Variants in XXYLT1 observed in about 807,000 individuals in gnomAD.
XXYLT1 encodes the protein UDP-xylose:alpha-xyloside alpha-1,3-xylosyltransferase.
A neutral mutation model predicts 28.9 loss-of-function variants in XXYLT1; 20 were observed. The ratio of observed to expected loss-of-function variants is 0.69; its 90% CI spans 0.49 to 1.00. The LOEUF (loss-of-function observed/expected upper bound fraction) is 1.00, where lower values mean the gene tolerates loss of function less well. Among genes scored for constraint, XXYLT1 ranks in the 50% least tolerant of loss-of-function variants. The pLI is 0.00. For synonymous variants in XXYLT1, 257 were observed against 253.8 expected, an observed-to-expected ratio of 1.01 and a Z score of -0.12; for missense variants, 542 against 560.1, an observed-to-expected ratio of 0.97 and a Z score of 0.33.
chr3:195,162,538 C>T (rs79355480), intron 2 of XXYLT1, among the ~76,000 whole-genome samples: 6,818 of 152,288 alleles, frequency 0.045, 244 homozygotes, highest in East Asian at 0.15. Context: ...CTCGCCCCCT[C>T]TCAAAATGAA....
rs903731237 is a variant in XXYLT1 at position 195,077,164 on chromosome 3, G to A, written c.786-7053C>T. 6.6e-6 allele frequency among the ~76,000 whole-genome samples: 1 copy of A among 152,178 alleles called. No homozygotes were observed. Among genetic ancestry groups the A allele is most frequent in the Admixed American group, 6.5e-5 (1 of 15,286 alleles). ...AGACAGAATGACCCACAGTGGGCGG[G>A]GCAGCCTCTGTCCAGGGAAAGGCAG... On this transcript the variant is annotated intron_variant, in intron 3 of 3. Transcript: ENST00000310380. The surrounding 1 kb of genome is among the most constrained non-coding windows in gnomAD (Gnocchi z 4.8).
At position 195,270,938 on chromosome 3, in the gene XXYLT1, G is replaced by A. The variant is rs1410414328; in HGVS notation, c.121C>T (p.Leu41Phe). 2 of 1,489,084 alleles carry A rather than the reference G, an allele frequency of 1.3e-6. No individual in the cohort carries two copies. Among genetic ancestry groups the A allele is most frequent in the Non-Finnish European group, 1.8e-6 (2 of 1,121,858 alleles). 92.2% of individuals were successfully genotyped at this position (1,489,084 alleles called of 1,614,324 possible). A position where few individuals can be genotyped will look rare whatever the true frequency, so the allele number is the denominator to read the frequency against. The change falls in exon 1 of 4, where the codon CTC becomes TTC. Residue 41 changes from leucine to phenylalanine, a missense_variant. Coordinates refer to ENST00000310380, the MANE Select transcript of XXYLT1 (RefSeq NM_152531.5). ...GAGAAGGTCTCCCGGCCTGAGCCGA[G>A]GTAGTAGAAGGCGCAGACGGCCAGC... ...AALAVCAFYY[L>F]GSGRETFSSA...
At chr3:195,157,903 C>G (rs1177236014) in intron 2 of XXYLT1, among the ~76,000 whole-genome samples, 1 of 152,144 alleles carries the variant, frequency 6.6e-6, no homozygotes, top group Non-Finnish European at 1.5e-5. Context: ...CTCAGCTGTT[C>G]CATTGGCTAA....
At chr3:195,074,277 T>C (rs77622446) in intron 3 of XXYLT1, among the ~76,000 whole-genome samples, 3,143 of 152,254 alleles carry the variant, frequency 0.021, 55 homozygotes, top group East Asian at 0.05. Flanking sequence ...AAGGCTCCAT[T>C]TGAGGTCTGA....
intron 2 of XXYLT1, among the ~76,000 whole-genome samples, chr3:195,171,317 A>AG (rs1721393941): frequency 6.6e-6 from 1 of 152,320 alleles, no homozygotes; most frequent in Admixed American, 6.5e-5. Context: ...GTCTGTTACC[A>AG]GCGTCCGCAC....
Position 195,158,304 on chromosome 3 carries a change from C to T in XXYLT1, c.653-1723G>A, listed in dbSNP as rs564956568. Among the ~76,000 whole-genome samples, 82 of 152,282 alleles carry T rather than the reference C, an allele frequency of 5.4e-4. 1 individual carries two copies. The South Asian group carries it at 5.6e-3, about 10-fold the overall frequency. On this transcript the variant is annotated intron_variant, in intron 2 of 3. Coordinates refer to ENST00000310380, the MANE Select transcript of XXYLT1 (RefSeq NM_152531.5). Reference sequence around the variant, plus strand: ...CTGCCTGCCTGTGGTCATGGCCACCCGCGTACCTGTCTCACCACCCTTCTG... The same window carrying T: ...CTGCCTGCCTGTGGTCATGGCCACCTGCGTACCTGTCTCACCACCCTTCTG...
At chr3:195,101,532 A>C (rs965484481) in intron 3 of XXYLT1, among the ~76,000 whole-genome samples, 1 of 152,264 alleles carries the variant, frequency 6.6e-6, no homozygotes, top group African/African-American at 2.4e-5. Context: ...TTCCTTTTGT[A>C]TACTACATAT....
chr3:195,136,512 T>C lies in XXYLT1; in HGVS notation c.785+19937A>G, dbSNP rs1465884900. Among the ~76,000 whole-genome samples, 5 of 152,290 alleles carry C rather than the reference T, an allele frequency of 3.3e-5. No homozygotes were observed. The East Asian group carries it at 9.7e-4, about 29-fold the overall frequency. On this transcript the variant is annotated intron_variant, in intron 3 of 3. Coordinates refer to ENST00000310380, the MANE Select transcript of XXYLT1 (RefSeq NM_152531.5). ...GGACTGAGCCCAGGAACCTGGGTTC[T>C]AGTCCTGACCAAGCGGCCCCGGGTG...
At chr3:195,172,646 G>A (rs1721467765) in intron 2 of XXYLT1, among the ~76,000 whole-genome samples, 1 of 152,220 alleles carries the variant, frequency 6.6e-6, no homozygotes, top group South Asian at 2.1e-4. Context: ...AACTTACAGA[G>A]TAGACAAGAT....
At chr3:195,131,017 G>A (rs1166085585) in intron 3 of XXYLT1, among the ~76,000 whole-genome samples, 1 of 152,212 alleles carries the variant, frequency 6.6e-6, no homozygotes, top group Non-Finnish European at 1.5e-5. Flanking sequence ...AATTCTGCAA[G>A]CAGGACCATT....
intron 2 of XXYLT1, among the ~76,000 whole-genome samples, chr3:195,191,651 C>G (rs987776916): frequency 6.6e-6 from 1 of 152,086 alleles, no homozygotes; most frequent in Non-Finnish European, 1.5e-5. Context: ...AAGACACAGA[C>G]AAGTTTAAAG....
chr3:195,112,310 G>T (rs1717763609), intron 3 of XXYLT1, among the ~76,000 whole-genome samples: 1 of 152,140 alleles, frequency 6.6e-6, no homozygotes, highest in Non-Finnish European at 1.5e-5. Context: ...GCAAGCCCCA[G>T]AAGATCTGTC....
At position 195,257,194 on chromosome 3, in the gene XXYLT1, C is replaced by T. The variant is rs1472934499; in HGVS notation, c.504+13361G>A. Among the ~76,000 whole-genome samples, 1 of 152,206 alleles carries T rather than the reference C, an allele frequency of 6.6e-6. No individual in the cohort carries two copies. Among genetic ancestry groups the T allele is most frequent in the East Asian group, 1.9e-4 (1 of 5,198 alleles). On this transcript the variant is annotated intron_variant, in intron 1 of 3. Coordinates refer to ENST00000310380, the MANE Select transcript of XXYLT1 (RefSeq NM_152531.5). This position sits in a 1 kb window ranked among gnomAD's most constrained non-coding sequence, Gnocchi z 4.3. ...CTGACGGGCATCGGTGCCCAGCCAT[C>T]CCACCCCGGCCTTCCATGGCTGCAC...
At chr3:195,232,974 G>T (rs1422749989) in intron 1 of XXYLT1, among the ~76,000 whole-genome samples, 1 of 152,056 alleles carries the variant, frequency 6.6e-6, no homozygotes, top group Non-Finnish European at 1.5e-5. Context: ...CTGAAAGTGG[G>T]GTGTTGAGGT....
rs987178642 is a variant in XXYLT1, at chr3:195,122,170, A to G, written c.785+34279T>C. 17 of 702,824 alleles carry G rather than the reference A, an allele frequency of 2.4e-5. No homozygotes were observed. In the Admixed American group the frequency reaches 3.0e-4, roughly 12 times the overall value. The allele number at this position is 702,824 out of a possible 1,614,324, so 43.5% of individuals were successfully genotyped here. ...GACAGAGCTCTTCAGGGTCTCTTTC[A>G]TCAGGACACTCATCCCATTCATGAT... On this transcript the variant is annotated intron_variant, in intron 3 of 3. Transcript: ENST00000310380.
In XXYLT1 at chr3:195,257,101, C is replaced by T. The variant is rs569118468; in HGVS notation, c.504+13454G>A. ...GGGACCGGGAAGCTTTCTTTACAAG[C>T]TTGAGGCCTCTGTAAGCGGCCAAGG... On this transcript the variant is annotated intron_variant, in intron 1 of 3. Transcript: ENST00000310380. The surrounding 1 kb of genome is among the most constrained non-coding windows in gnomAD (Gnocchi z 4.3). Among the ~76,000 whole-genome samples, 9 of 152,326 alleles carry T rather than the reference C, an allele frequency of 5.9e-5. 1 individual carries two copies. The South Asian group carries it at 1.9e-3, about 32-fold the overall frequency.
At chr3:195,212,256 C>A (rs966607859) in intron 2 of XXYLT1, among the ~76,000 whole-genome samples, 1 of 152,192 alleles carries the variant, frequency 6.6e-6, no homozygotes, top group Non-Finnish European at 1.5e-5. Context: ...ACAGTGCAGG[C>A]TGAAGCCAGG....
At chr3:195,234,308 GATTTT>G in intron 1 of XXYLT1, among the ~76,000 whole-genome samples, 1 of 126,076 alleles carries the variant, frequency 7.9e-6, no homozygotes, top group African/African-American at 3.1e-5. Context: ...ATGTTTGAAG[GATTTT>G]TTTTTTTTTT....
chr3:195,253,740 C>A (rs950816350), intron 1 of XXYLT1, among the ~76,000 whole-genome samples: 3 of 152,166 alleles, frequency 2.0e-5, no homozygotes, highest in Admixed American at 2.0e-4. Context: ...CTCAGGTGAT[C>A]CGCCCGCCTC....
Sources: allele counts gnomAD v4.1 joint callset (sites outside exome capture counted in the v4.1 genomes callset), GRCh38; gene constraint gnomAD v4.1.1; non-coding constraint Gnocchi (gnomAD v3.1); transcripts MANE v1.5; gene names NCBI Gene and HGNC (gene_info 2026-07-23, HGNC 2026-07-21).